The following OR11H4 variants were observed in gnomAD, a reference collection of about 807,000 sequenced individuals.
OR11H4 encodes olfactory receptor 11H4.
For missense variants in OR11H4, 460 were observed against 371.1 expected (o/e 1.24, Z -1.97); for synonymous variants, 162 against 142.3 (o/e 1.14, Z -0.98).
chr14:20,243,960 A>C lies in OR11H4; in HGVS notation c.*194A>C. On this transcript the variant is annotated 3_prime_UTR_variant, in exon 2 of 2. Transcript: ENST00000641082. ...TAACTGGTCTTCAACATCCACTTAA[A>C]AGTTTTCAAAGCCTGTCTTTATTAG... 2.2e-6 allele frequency: 1 copy of C among 456,316 alleles called. No homozygotes were observed. The highest frequency in any genetic ancestry group is 3.7e-6 in the Non-Finnish European group (1 of 266,850). The allele number at this position is 456,316 out of a possible 1,614,324, so 28.3% of individuals were successfully genotyped here. A position where few individuals can be genotyped will look rare whatever the true frequency, so the allele number is the denominator to read the frequency against.
At chr14:20,240,168 C>T (rs1415075531) in intron 1 of OR11H4, among the ~76,000 whole-genome samples, 2 of 152,120 alleles carry the variant, frequency 1.3e-5, no homozygotes, top group Non-Finnish European at 2.9e-5. Flanking sequence ...ATTCTGGTTC[C>T]CAATTTAAGT....
At position 20,243,742 on chromosome 14, in the gene OR11H4, A is replaced by T. The variant is rs1334137786; in HGVS notation, c.921A>T (p.Gly307=). 4 of 1,581,408 alleles carry T rather than the reference A, an allele frequency of 2.5e-6. No individual in the cohort carries two copies. In the African/African-American group the frequency reaches 5.4e-5, roughly 21 times the overall value. ...TCGCTCTGAGAAATGTCCTGTTTGG[A>T]ATGAGAATTCGTCAAAATTCGTGAG... ...MKLALRNVLF[G]MRIRQNS Residue 307 remains glycine (G), a synonymous_variant, in exon 2 of 2, where the codon GGA becomes GGT. Coordinates refer to ENST00000641082, the MANE Select transcript of OR11H4 (RefSeq NM_001004479.2).
At chr14:20,241,097 A>T (rs1484413982) in intron 1 of OR11H4, among the ~76,000 whole-genome samples, 2 of 152,148 alleles carry the variant, frequency 1.3e-5, no homozygotes, top group African/African-American at 4.8e-5. Context: ...GCCCCATTTC[A>T]TCTCAGATTC....
Position 20,242,964 on chromosome 14 carries a change from C to A in OR11H4, c.143C>A (p.Ala48Glu), listed in dbSNP as rs1372027255. The change falls in exon 2 of 2, where the codon GCA (alanine) becomes GAA (glutamate). Residue 48 changes from alanine (A) to glutamate (E), a missense_variant. Coordinates refer to ENST00000641082, the MANE Select transcript of OR11H4 (RefSeq NM_001004479.2). ...CTGGGAAATGGAGCCATCATCTATG[C>A]AGTGAGATGCAACCCACTACTACAC... ...TLLGNGAIIY[A>E]VRCNPLLHTP... The A allele has an allele frequency of 1.2e-6, 2 of 1,614,024 alleles. No homozygotes were observed. The highest frequency in any genetic ancestry group is 1.1e-5 in the South Asian group (1 of 91,080).
rs772944121 is a variant in OR11H4, at chr14:20,243,345, A to T, written c.524A>T (p.Asp175Val). The T allele has an allele frequency of 6.2e-7, 1 of 1,613,926 alleles. No individual in the cohort carries two copies. Among genetic ancestry groups the T allele is most frequent in the South Asian group, 1.1e-5 (1 of 91,074 alleles). Residue 175 changes from aspartate to valine, a missense_variant, in exon 2 of 2, where the codon GAT becomes GTT. By Grantham distance (152) the Asp-to-Val change is radical. Transcript: ENST00000641082. Reference sequence around the variant, plus strand: ...CCCTTCTGTGGTCCTAATATCATTGATCACTTCCTGTGTGACATGGACCCA... The same window carrying T: ...CCCTTCTGTGGTCCTAATATCATTGTTCACTTCCTGTGTGACATGGACCCA... ...QLPFCGPNII[D>V]HFLCDMDPLM...
At chr14:20,240,977 A>AT (rs2138748673) in intron 1 of OR11H4, among the ~76,000 whole-genome samples, 1 of 152,296 alleles carries the variant, frequency 6.6e-6, no homozygotes, top group South Asian at 2.1e-4. Context: ...TTTAATTCTT[A>AT]AATACATAAA....
chr14:20,242,482 C>A (rs1024158672), intron 1 of OR11H4, among the ~76,000 whole-genome samples: 5 of 152,116 alleles, frequency 3.3e-5, no homozygotes, highest in African/African-American at 1.2e-4. Context: ...CTCAGCAAAG[C>A]AATTGTTTAA....
chr14:20,241,663 G>A (rs991759625), intron 1 of OR11H4, among the ~76,000 whole-genome samples: 2 of 152,128 alleles, frequency 1.3e-5, no homozygotes, highest in Non-Finnish European at 2.9e-5. Context: ...AAACAACAGT[G>A]AGCCCAGGGG....
intron 1 of OR11H4, 150 bp from the exon 2 acceptor site, chr14:20,242,661 A>G: frequency 1.2e-6 from 1 of 813,342 alleles, no homozygotes; most frequent in Non-Finnish European, 1.9e-6. Context: ...AAAATTTGGT[A>G]GGACATATTC....
In OR11H4 at chr14:20,243,012, G is replaced by T. The variant is rs764999961; in HGVS notation, c.191G>T (p.Gly64Val). ...CACACCCCCATGTACTTTCTGCTGGGAAATTTTGCCTTCCTTGAGATCTGG... is the reference window on the plus strand; with the variant it reads ...CACACCCCCATGTACTTTCTGCTGGTAAATTTTGCCTTCCTTGAGATCTGG... ...LLHTPMYFLLGNFAFLEIWYV... is the reference protein window; with the variant it reads ...LLHTPMYFLLVNFAFLEIWYV... Residue 64 changes from glycine (G) to valine (V), a missense_variant, in exon 2 of 2, where the codon GGA (glycine) becomes GTA (valine). Coordinates refer to ENST00000641082, the MANE Select transcript of OR11H4 (RefSeq NM_001004479.2). 6.2e-7 allele frequency: 1 copy of T among 1,614,126 alleles called. No individual in the cohort carries two copies. The highest frequency in any genetic ancestry group is 1.1e-5 in the South Asian group (1 of 91,082).
Position 20,241,885 on chromosome 14 carries a change from G to A in OR11H4, c.-11-926G>A, listed in dbSNP as rs188752419. Among the ~76,000 whole-genome samples, 206 of 152,164 alleles carry A rather than the reference G, an allele frequency of 1.4e-3. 1 individual carries two copies. The highest frequency in any genetic ancestry group is 4.2e-3 in the African/African-American group (173 of 41,538). On this transcript the variant is annotated intron_variant, in intron 1 of 1. Coordinates refer to ENST00000641082, the MANE Select transcript of OR11H4 (RefSeq NM_001004479.2). Reference sequence around the variant, plus strand: ...GGTACTATGCCTGGATGTGCACGTAGGCCAGATATATAGTTCTCTCCACCC... The same window carrying A: ...GGTACTATGCCTGGATGTGCACGTAAGCCAGATATATAGTTCTCTCCACCC...
At chr14:20,241,074 G>T (rs983439277) in intron 1 of OR11H4, among the ~76,000 whole-genome samples, 6 of 151,814 alleles carry the variant, frequency 4.0e-5, no homozygotes, top group African/African-American at 1.2e-4. Flanking sequence ...TAATACATAG[G>T]ATTGCAGATG....
In OR11H4 at chr14:20,242,917, G is replaced by C. The variant is rs1287088381; in HGVS notation, c.96G>C (p.Leu32Phe). ...KIQIFLFSLF[L>F]VIYVLTLLGN... Reference sequence around the variant, plus strand: ...AGATTTTCCTCTTCTCATTGTTTTTGGTGATTTATGTCTTGACCTTGCTGG... The same window carrying C: ...AGATTTTCCTCTTCTCATTGTTTTTCGTGATTTATGTCTTGACCTTGCTGG... Residue 32 changes from leucine to phenylalanine, a missense_variant, in exon 2 of 2, where the codon TTG becomes TTC. Coordinates refer to ENST00000641082, the MANE Select transcript of OR11H4 (RefSeq NM_001004479.2). The C allele has an allele frequency of 2.6e-5, 42 of 1,614,070 alleles. No homozygotes were observed. The highest frequency in any genetic ancestry group is 3.6e-5 in the Non-Finnish European group (42 of 1,179,978).
At position 20,243,523 on chromosome 14, in the gene OR11H4, G is replaced by C. The variant is rs151288230; in HGVS notation, c.702G>C (p.Arg234=). The C allele has an allele frequency of 8.1e-4, 1,301 of 1,613,722 alleles. 9 individuals are homozygous for C. The African/African-American group carries it at 0.015, about 19-fold the overall frequency. ...AVFQVPSAAG[R]RKAFSTCGSH... ...TTCAGGTCCCTTCTGCAGCTGGTCG[G>C]AGAAAAGCCTTCTCTACCTGTGGTT... Residue 234 remains arginine (R), a synonymous_variant, in exon 2 of 2, where the codon CGG becomes CGC. Transcript: ENST00000641082.
In OR11H4 at chr14:20,243,699, G is replaced by A. The variant is rs138490324; in HGVS notation, c.878G>A (p.Arg293His). The A allele has an allele frequency of 1.4e-4, 219 of 1,607,084 alleles. 1 individual carries two copies. The highest frequency in any genetic ancestry group is 1.1e-3 in the South Asian group (97 of 89,854). Reference protein sequence around the residue: ...PLFNPLIYTLRNKDMKLALRN... With the variant: ...PLFNPLIYTLHNKDMKLALRN... ...TTTAATCCTCTGATCTATACTCTTC[G>A]TAATAAGGACATGAAACTCGCTCTG... Residue 293 changes from arginine to histidine, a missense_variant, in exon 2 of 2, where the codon CGT becomes CAT. Arg to His is a conservative substitution (Grantham distance 29, BLOSUM62 0). Transcript: ENST00000641082.
chr14:20,244,134 G>C lies in OR11H4; in HGVS notation c.*368G>C. On this transcript the variant is annotated 3_prime_UTR_variant, in exon 2 of 2. Transcript: ENST00000641082. ...GCTCCTAGGAGTCTTTGTCTGATGGGAATCAATAGTGGCACAATACCCAGC... is the reference window on the plus strand; with the variant it reads ...GCTCCTAGGAGTCTTTGTCTGATGGCAATCAATAGTGGCACAATACCCAGC... The C allele has an allele frequency of 6.1e-6, 1 of 165,262 alleles. No individual in the cohort carries two copies. Among genetic ancestry groups the C allele is most frequent in the Non-Finnish European group, 1.3e-5 (1 of 77,118 alleles). 10.2% of individuals were successfully genotyped at this position (165,262 alleles called of 1,614,324 possible). A position where few individuals can be genotyped will look rare whatever the true frequency, so the allele number is the denominator to read the frequency against.
rs755817641 is a variant in OR11H4, at chr14:20,242,826, A to G, written c.5A>G (p.Asn2Ser). 1.2e-6 allele frequency: 2 copies of G among 1,614,060 alleles called. No homozygotes were observed. The highest frequency in any genetic ancestry group is 1.1e-5 in the South Asian group (1 of 91,050). The change falls in exon 2 of 2, where the codon AAC (asparagine) becomes AGC (serine). Residue 2 changes from asparagine (N) to serine (S), a missense_variant. By Grantham distance (46) the Asn-to-Ser change is conservative. Coordinates refer to ENST00000641082, the MANE Select transcript of OR11H4 (RefSeq NM_001004479.2). MNRSATHIVTEF... is the reference protein window; with the variant it reads MSRSATHIVTEF... Reference sequence around the variant, plus strand: ...TTCTTTGTAGACTTAAGACCCATGAACAGGTCAGCAACACACATCGTGACA... The same window carrying G: ...TTCTTTGTAGACTTAAGACCCATGAGCAGGTCAGCAACACACATCGTGACA...
Position 20,243,491 on chromosome 14 carries a change from G to T in OR11H4, c.670G>T (p.Ala224Ser). ...TCGATCCTATATCCTGTTACTAACA[G>T]CTGTTTTTCAGGTCCCTTCTGCAGC... ...ILRSYILLLT[A>S]VFQVPSAAGR... The change falls in exon 2 of 2, where the codon GCT becomes TCT. Residue 224 changes from alanine (A) to serine (S), a missense_variant. Transcript: ENST00000641082. 1 of 1,613,948 alleles carries T rather than the reference G, an allele frequency of 6.2e-7. No individual in the cohort carries two copies. The highest frequency in any genetic ancestry group is 1.3e-5 in the African/African-American group (1 of 74,994).
chr14:20,239,977 C>T (rs1221035305), intron 1 of OR11H4, among the ~76,000 whole-genome samples: 3 of 152,172 alleles, frequency 2.0e-5, no homozygotes, highest in African/African-American at 4.8e-5. Context: ...CATTACTTAT[C>T]TACACTTCTC....
Sources: allele counts gnomAD v4.1 joint callset (sites outside exome capture counted in the v4.1 genomes callset), GRCh38; gene constraint gnomAD v4.1.1; transcripts MANE v1.5; gene names NCBI Gene and HGNC (gene_info 2026-07-23, HGNC 2026-07-21).